Variants in UBXN7 observed in about 807,000 individuals in gnomAD.
UBXN7 encodes UBX domain protein 7, also known as UBX domain-containing protein 7.
In UBXN7, 9 loss-of-function variants were observed where a neutral mutation model predicts 58.0. The ratio of observed to expected loss-of-function variants is 0.16; its 90% confidence interval spans 0.09 to 0.27. The LOEUF is 0.27. UBXN7 is among the 10% of genes least tolerant of loss of function. The pLI is 1.00. For synonymous variants in UBXN7, 208 were observed against 205.0 expected (o/e 1.01, Z -0.12); for missense variants, 328 against 599.6 (o/e 0.55, Z 4.73).
intron 5 of UBXN7, among the ~76,000 whole-genome samples, chr3:196,374,070 A>G (rs1023723722): frequency 6.6e-6 from 1 of 152,246 alleles, no homozygotes; most frequent in East Asian, 1.9e-4. Flanking sequence ...TGAATGATAA[A>G]TGAATAATTA....
At chr3:196,403,155 T>A in intron 2 of UBXN7, 136 bp from the exon 3 acceptor site, 1 of 907,288 alleles carries the variant, frequency 1.1e-6, no homozygotes, top group East Asian at 2.9e-5. Flanking sequence ...TTTGTGTTGC[T>A]ATTTTTTTGG....
chr3:196,356,580 C>G lies in UBXN7; in HGVS notation c.*105G>C. The stretch of plus-strand genomic sequence containing the variant: ...AGAGAAGGAAGGTGACTTGCTTGCC[C>G]AACTTTGGCTCTGTGGTCCTATGAG... On this transcript the variant is annotated 3_prime_UTR_variant, in exon 11 of 11. Coordinates refer to ENST00000296328, the MANE Select transcript of UBXN7 (RefSeq NM_015562.2). 7.6e-7 allele frequency: 1 copy of G among 1,315,470 alleles called. No individual in the cohort carries two copies. Among genetic ancestry groups the G allele is most frequent in the Non-Finnish European group, 1.0e-6 (1 of 968,178 alleles). 81.5% of individuals were successfully genotyped at this position (1,315,470 alleles called of 1,614,324 possible). A position where few individuals can be genotyped will look rare whatever the true frequency, so the allele number is the denominator to read the frequency against.
chr3:196,369,046 G>A (rs1384099363), intron 7 of UBXN7, among the ~76,000 whole-genome samples: 1 of 152,054 alleles, frequency 6.6e-6, no homozygotes, highest in Non-Finnish European at 1.5e-5. Flanking sequence ...GGATGGTCTG[G>A]ATCGCCTGAC....
Position 196,350,272 on chromosome 3 carries a change from T to A in UBXN7, c.*6413A>T, listed in dbSNP as rs1213854163. 1 of 152,246 alleles carries A rather than the reference T, an allele frequency of 6.6e-6. No individual in the cohort carries two copies. Among genetic ancestry groups the A allele is most frequent in the African/African-American group, 2.4e-5 (1 of 41,466 alleles). 9.4% of individuals were successfully genotyped at this position (152,246 alleles called of 1,614,324 possible). On this transcript the variant is annotated 3_prime_UTR_variant, in exon 11 of 11. Coordinates refer to ENST00000296328, the MANE Select transcript of UBXN7 (RefSeq NM_015562.2). ...CCAAAAATCATCATGTTTATGAGAATATCTGCAATTTTAAGCAACACAACA... is the reference window on the plus strand; with the variant it reads ...CCAAAAATCATCATGTTTATGAGAAAATCTGCAATTTTAAGCAACACAACA...
Position 196,355,928 on chromosome 3 carries a change from T to C in UBXN7, c.*757A>G, listed in dbSNP as rs969196234. On this transcript the variant is annotated 3_prime_UTR_variant, in exon 11 of 11. Transcript: ENST00000296328. ...GATAGGTTCACTTCATGTCCATTCT[T>C]GGACTAGCAGGATCAATACAGAGTA... 6.6e-6 allele frequency: 1 copy of C among 152,316 alleles called. No individual in the cohort carries two copies. Among genetic ancestry groups the C allele is most frequent in the African/African-American group, 2.4e-5 (1 of 41,464 alleles). The allele number at this position is 152,316 out of a possible 1,614,324, so 9.4% of individuals were successfully genotyped here.
intron 5 of UBXN7, among the ~76,000 whole-genome samples, chr3:196,386,701 C>A (rs564684431): frequency 2.0e-5 from 3 of 152,040 alleles, no homozygotes; most frequent in Admixed American, 6.6e-5. Context: ...CACTGCTCAA[C>A]GAAATAAAAG....
intron 5 of UBXN7, among the ~76,000 whole-genome samples, chr3:196,376,391 A>T (rs556799871): frequency 1.1e-4 from 17 of 151,798 alleles, no homozygotes; most frequent in South Asian, 2.1e-4. Context: ...ACTAAAATTT[A>T]AAAAATTAGC....
chr3:196,368,673 T>C (rs1728736018), intron 7 of UBXN7, among the ~76,000 whole-genome samples: 1 of 152,216 alleles, frequency 6.6e-6, no homozygotes, highest in Non-Finnish European at 1.5e-5. Flanking sequence ...TGCTATCACT[T>C]ACTGCCATTT....
chr3:196,367,088 CAGG>C (rs1728692130), intron 8 of UBXN7, among the ~76,000 whole-genome samples: 1 of 151,440 alleles, frequency 6.6e-6, no homozygotes, highest in African/African-American at 2.4e-5. Flanking sequence ...GAGGCCAAGG[CAGG>C]AGAATCGCTT....
chr3:196,357,155 T>C (rs1706041378), intron 10 of UBXN7, among the ~76,000 whole-genome samples: 1 of 152,218 alleles, frequency 6.6e-6, no homozygotes, highest in African/African-American at 2.4e-5. Flanking sequence ...TTTTAAAACA[T>C]TTTATCCGTT....
chr3:196,390,751 C>T (rs75719779), intron 5 of UBXN7, among the ~76,000 whole-genome samples: 1,911 of 150,156 alleles, frequency 0.013, 41 homozygotes, highest in African/African-American at 0.044. Context: ...AAAAAAGACT[C>T]AACTGAAATG....
At position 196,401,823 on chromosome 3, in the gene UBXN7, G is replaced by GAGAAAAGAGAAGAGAAGAGAAGAGA. The variant is rs145395839; in HGVS notation, c.289+1128_289+1129insTCTCTTCTCTTCTCTTCTCTTTTCT. Among the ~76,000 whole-genome samples, 286 of 120,346 alleles carry GAGAAAAGAGAAGAGAAGAGAAGAGA rather than the reference G, an allele frequency of 2.4e-3. 3 individuals carry two copies. The highest frequency in any genetic ancestry group is 8.5e-3 in the African/African-American group (272 of 32,140). 79.0% of individuals were successfully genotyped at this position (120,346 alleles called of 152,430 possible). A position where few individuals can be genotyped will look rare whatever the true frequency, so the allele number is the denominator to read the frequency against. ...AGGAAAGAAAGAAAAGAAAAGAGAA[G>GAGAAAAGAGAAGAGAAGAGAAGAGA]AGAGAAGAGAAGAGAAGAGAAGAGA... On this transcript the variant is annotated intron_variant, in intron 3 of 10. Transcript: ENST00000296328.
intron 1 of UBXN7, among the ~76,000 whole-genome samples, chr3:196,430,083 G>A (rs1730977873): frequency 3.3e-5 from 5 of 152,200 alleles, no homozygotes; most frequent in South Asian, 2.1e-4. Context: ...GGCCAGGCGC[G>A]GTGGCTCACG....
intron 4 of UBXN7, among the ~76,000 whole-genome samples, chr3:196,392,902 T>C (rs1415704331): frequency 6.6e-6 from 1 of 152,200 alleles, no homozygotes; most frequent in Non-Finnish European, 1.5e-5. Context: ...CTAGATGACT[T>C]GAGTCAGTTT....
In UBXN7 at chr3:196,419,540, C is replaced by T. The variant is rs115418897; in HGVS notation, c.74-12147G>A. Reference sequence around the variant, plus strand: ...AAAGCCAAGCTAAGCCATCTGTTCCCGTATCATCAGTTGTTCTTAGCGTAT... The same window carrying T: ...AAAGCCAAGCTAAGCCATCTGTTCCTGTATCATCAGTTGTTCTTAGCGTAT... On this transcript the variant is annotated intron_variant, in intron 1 of 10. Transcript: ENST00000296328. 5.0e-3 allele frequency among the ~76,000 whole-genome samples: 767 copies of T among 152,242 alleles called. 6 individuals are homozygous for T. Among genetic ancestry groups the T allele is most frequent in the African/African-American group, 0.018 (747 of 41,546 alleles).
intron 1 of UBXN7, among the ~76,000 whole-genome samples, chr3:196,419,246 C>T (rs1239977876): frequency 2.6e-5 from 4 of 152,092 alleles, no homozygotes; most frequent in Non-Finnish European, 5.9e-5. Context: ...CACTGCACTG[C>T]ACTCTGTTGC....
chr3:196,347,923 T>G lies in UBXN7; in HGVS notation c.*8762A>C, dbSNP rs1728124738. 6.7e-6 allele frequency: 1 copy of G among 150,322 alleles called. No homozygotes were observed. The highest frequency in any genetic ancestry group is 1.5e-5 in the Non-Finnish European group (1 of 67,762). The allele number at this position is 150,322 out of a possible 1,614,324, so 9.3% of individuals were successfully genotyped here. On this transcript the variant is annotated 3_prime_UTR_variant, in exon 11 of 11. Coordinates refer to ENST00000296328, the MANE Select transcript of UBXN7 (RefSeq NM_015562.2). ...ACTGGGTACAACACAGCAAGAGTAT[T>G]CACAATTTGGTACAGACCAAACCAG... is the stretch of plus-strand genomic sequence containing the variant.
chr3:196,358,484 C>T (rs1728413233), intron 10 of UBXN7, among the ~76,000 whole-genome samples: 1 of 152,144 alleles, frequency 6.6e-6, no homozygotes, highest in Non-Finnish European at 1.5e-5. Context: ...ACCTGTAATC[C>T]CTGCACTTTG....
chr3:196,397,046 CCCT>C (rs1218046583), intron 3 of UBXN7, among the ~76,000 whole-genome samples: 1 of 152,144 alleles, frequency 6.6e-6, no homozygotes, highest in African/African-American at 2.4e-5. Context: ...CCTTCGTTTA[CCCT>C]ATTTCTAAGC....
Sources: allele counts gnomAD v4.1 joint callset (sites outside exome capture counted in the v4.1 genomes callset), GRCh38; gene constraint gnomAD v4.1.1; transcripts MANE v1.5; gene names NCBI Gene and HGNC (gene_info 2026-07-23, HGNC 2026-07-21).